BRCA1: variants seen among roughly 807,000 people sequenced by gnomAD.
BRCA1 encodes the protein breast cancer type 1 susceptibility protein.
BRCA1 carries 140 observed loss-of-function variants against 173.7 expected under a neutral mutation model. The ratio of observed to expected loss-of-function variants is 0.81; its 90% CI spans 0.70 to 0.93. The LOEUF (loss-of-function observed/expected upper bound fraction) is 0.93, where lower values mean the gene tolerates loss of function less well. Ranked by LOEUF, BRCA1 falls within the 40% of genes least tolerant of loss-of-function variation. The pLI, the probability that BRCA1 is intolerant of heterozygous loss-of-function variation, is 0.00. For missense variants in BRCA1, 1,983 were observed against 2,172.5 expected (o/e 0.91, Z 1.73); for synonymous variants, 662 against 756.0 (o/e 0.88, Z 2.04).
chr17:43,052,265 A>C (rs530178336), intron 19 of BRCA1, among the ~76,000 whole-genome samples: 21 of 152,178 alleles, frequency 1.4e-4, no homozygotes, highest in African/African-American at 4.8e-4. Context: ...GAAGAACTAA[A>C]CTTCATATTT....
At chr17:43,115,864 C>T in intron 2 of BRCA1, 85 bp from the exon 3 acceptor site, 1 of 1,382,718 alleles carries the variant, frequency 7.2e-7, no homozygotes, top group Non-Finnish European at 1.0e-6. Flanking sequence ...TGAATAAGTT[C>T]AACTTTGAGC....
At chr17:43,073,381 GAA>G (rs773286567) in intron 14 of BRCA1, among the ~76,000 whole-genome samples, 2 of 152,180 alleles carry the variant, frequency 1.3e-5, no homozygotes, top group South Asian at 2.1e-4. Flanking sequence ...TGTCATCCTT[GAA>G]ACATTTCAGA....
At chr17:43,086,465 GA>G (rs999144116) in intron 11 of BRCA1, among the ~76,000 whole-genome samples, 1 of 150,366 alleles carries the variant, frequency 6.7e-6, no homozygotes, top group South Asian at 2.1e-4. Flanking sequence ...TACAAAAAGG[GA>G]AAAAAAAATC....
chr17:43,109,365 T>G (rs2054939175), intron 3 of BRCA1, among the ~76,000 whole-genome samples: 1 of 151,972 alleles, frequency 6.6e-6, no homozygotes, highest in Admixed American at 6.6e-5. Context: ...AAGGTTATAT[T>G]GGATCCAGAA....
In BRCA1 at chr17:43,091,027, C is replaced by T. The variant is rs1064796463; in HGVS notation, c.4102G>A (p.Ala1368Thr). The change falls in exon 11 of 23, where the codon GCA (alanine) becomes ACA (threonine). Residue 1368 changes from alanine to threonine, a missense_variant. Ala to Thr is a moderately conservative substitution (Grantham distance 58). Transcript: ENST00000357654. The part of the protein sequence containing the change: ...EQSMDSNLGE[A>T]ASGCESETSV... ...GTTTCACTCTCACACCCAGATGCTG[C>T]TTCACCTTAAATAACAAAAACAGAG... is the stretch of plus-strand genomic sequence containing the variant. 1 of 1,611,956 alleles carries T rather than the reference C, an allele frequency of 6.2e-7. No individual in the cohort carries two copies. The highest frequency in any genetic ancestry group is 8.5e-7 in the Non-Finnish European group (1 of 1,179,094).
Position 43,092,227 on chromosome 17 carries a change from T to G in BRCA1, c.3304A>C (p.Asn1102His). Residue 1102 changes from asparagine (N) to histidine (H), a missense_variant, in exon 10 of 23, where the codon AAT (asparagine) becomes CAT (histidine). Asn to His is a moderately conservative substitution (Grantham distance 68). Coordinates refer to ENST00000357654, the MANE Select transcript of BRCA1 (RefSeq NM_007294.4). The part of the protein sequence containing the change: ...EVYKQSLPGS[N>H]CKHPEIKKQE... ...TTTTTTATTTCAGGATGCTTACAATTACTTCCAGGAAGACTTTGTTTATAG... is the reference window on the plus strand; with the variant it reads ...TTTTTTATTTCAGGATGCTTACAATGACTTCCAGGAAGACTTTGTTTATAG... 6.2e-7 allele frequency: 1 copy of G among 1,613,502 alleles called. No individual in the cohort carries two copies. Among genetic ancestry groups the G allele is most frequent in the Non-Finnish European group, 8.5e-7 (1 of 1,179,928 alleles).
At position 43,049,233 on chromosome 17, in the gene BRCA1, C is replaced by T. The variant is rs746516195; in HGVS notation, c.5333-39G>A. ...TTAGATGTAAAATCACTGCAGTAAT[C>T]TGCATACTTAACCCAGGCCCTCTAC... On this transcript the variant is annotated intron_variant, in intron 20 of 22. Transcript: ENST00000357654. The T allele has an allele frequency of 1.9e-6, 3 of 1,587,162 alleles. No individual in the cohort carries two copies. In the South Asian group the frequency reaches 3.3e-5, roughly 18 times the overall value.
At chr17:43,072,177 C>A (rs2052479172) in intron 14 of BRCA1, among the ~76,000 whole-genome samples, 1 of 151,870 alleles carries the variant, frequency 6.6e-6, no homozygotes, top group Admixed American at 6.6e-5. Flanking sequence ...CACCTGAGGT[C>A]AAGAGGTCGA....
chr17:43,067,492 G>T (rs2052144936), intron 16 of BRCA1, 116 bp downstream of exon 16: 1 of 780,450 alleles, frequency 1.3e-6, no homozygotes, highest in Non-Finnish European at 2.2e-6. Context: ...CTAATCTCGT[G>T]ATCTGCCCGC....
At chr17:43,169,247 C>T (rs1175482731) in intron 1 of BRCA1, among the ~76,000 whole-genome samples, 1 of 152,132 alleles carries the variant, frequency 6.6e-6, no homozygotes, top group Admixed American at 6.5e-5. Flanking sequence ...GGCGCGATCT[C>T]GGCTCACTGC....
At chr17:43,129,343 T>G (rs1312724827), upstream of BRCA1, among the ~76,000 whole-genome samples, 1 of 152,248 alleles carries the variant, frequency 6.6e-6, no homozygotes, top group Non-Finnish European at 1.5e-5. Context: ...ATCTCCCACT[T>G]CCTGTTTTCT....
chr17:43,061,618 T>C (rs1049970289), intron 18 of BRCA1, among the ~76,000 whole-genome samples: 2 of 151,960 alleles, frequency 1.3e-5, no homozygotes, highest in Non-Finnish European at 2.9e-5. Context: ...GGTCTCATTC[T>C]GTCTCACAGG....
At chr17:43,088,685 G>C (rs1356851863) in intron 11 of BRCA1, among the ~76,000 whole-genome samples, 1 of 152,176 alleles carries the variant, frequency 6.6e-6, no homozygotes, top group East Asian at 1.9e-4. Flanking sequence ...GCAGCTAAAA[G>C]GGTATTTAAG....
intron 1 of BRCA1, chr17:43,165,878 T>TA (rs1567837069): frequency 3.8e-4 from 58 of 151,894 alleles, no homozygotes; most frequent in Non-Finnish European, 5.7e-4. Flanking sequence ...AAAAAAAATT[T>TA]TAAAAAAATG....
chr17:43,122,540 T>C (rs1597920853), intron 2 of BRCA1, among the ~76,000 whole-genome samples: 2 of 152,124 alleles, frequency 1.3e-5, no homozygotes, highest in East Asian at 3.9e-4. Context: ...GAATAGAAGA[T>C]AAAGTGTGTG....
At chr17:43,061,173 C>G (rs1455685415) in intron 18 of BRCA1, among the ~76,000 whole-genome samples, 1 of 152,054 alleles carries the variant, frequency 6.6e-6, no homozygotes, top group African/African-American at 2.4e-5. Flanking sequence ...ATTATTACCT[C>G]AAGACCTTTA....
intron 18 of BRCA1, among the ~76,000 whole-genome samples, chr17:43,061,987 C>T (rs192528708): frequency 1.3e-5 from 2 of 152,278 alleles, no homozygotes; most frequent in Admixed American, 1.3e-4. Context: ...ATCTTATTTA[C>T]TTCTCACTGT....
chr17:43,166,532 T>A (rs1217835701), intron 1 of BRCA1: 1 of 152,170 alleles, frequency 6.6e-6, no homozygotes, highest in Non-Finnish European at 1.5e-5. Context: ...CACTCCATAG[T>A]CTCCCTCAGA....
intron 1 of BRCA1, chr17:43,145,285 T>C: frequency 3.1e-6 from 2 of 636,528 alleles, no homozygotes; most frequent in Non-Finnish European, 5.9e-6. Context: ...TTATCAGTGG[T>C]CCCTGTCTCC....
Sources: allele counts gnomAD v4.1 joint callset (sites outside exome capture counted in the v4.1 genomes callset), GRCh38; gene constraint gnomAD v4.1.1; transcripts MANE v1.5; gene names NCBI Gene and HGNC (gene_info 2026-07-23, HGNC 2026-07-21).